CSRNP3: variants seen among roughly 807,000 people sequenced by gnomAD.
CSRNP3 encodes cysteine/serine-rich nuclear protein 3.
CSRNP3 carries 12 observed loss-of-function variants against 48.0 expected under a neutral mutation model. The ratio of observed to expected loss-of-function variants is 0.25; its 90% CI spans 0.16 to 0.41. The LOEUF (loss-of-function observed/expected upper bound fraction) is 0.41, where lower values mean the gene tolerates loss of function less well. CSRNP3 is among the 10% of genes least tolerant of loss of function. CSRNP3 has a pLI of 1.00. For synonymous variants in CSRNP3, 263 were observed against 269.7 expected, an observed-to-expected ratio of 0.98 and a Z score of 0.24; for missense variants, 580 against 724.4, an observed-to-expected ratio of 0.80 and a Z score of 2.29.
intron 6 of CSRNP3, among the ~76,000 whole-genome samples, chr2:165,677,732 G>GT (rs1379261121): frequency 6.6e-6 from 1 of 152,124 alleles, no homozygotes; most frequent in Admixed American, 6.6e-5. Flanking sequence ...AGCAGAGCAA[G>GT]TTTTTTTCTC....
At chr2:165,633,970 C>T (rs1686585201) in intron 4 of CSRNP3, among the ~76,000 whole-genome samples, 1 of 152,174 alleles carries the variant, frequency 6.6e-6, no homozygotes, top group African/African-American at 2.4e-5. Context: ...GTTTTCATAA[C>T]ACTCCTTATG....
intron 1 of CSRNP3, among the ~76,000 whole-genome samples, chr2:165,477,483 AAT>A (rs200408228): frequency 4.6e-5 from 6 of 129,664 alleles, no homozygotes; most frequent in African/African-American, 1.1e-4. Context: ...ATATATATGA[AAT>A]ATATATATAT....
chr2:165,486,246 A>C (rs1684113873), intron 1 of CSRNP3, among the ~76,000 whole-genome samples: 1 of 152,228 alleles, frequency 6.6e-6, no homozygotes, highest in Admixed American at 6.5e-5. Flanking sequence ...CCGGCTTAAA[A>C]AACGGTGCAC....
At chr2:165,624,021 A>C (rs1218250678) in intron 4 of CSRNP3, among the ~76,000 whole-genome samples, 2 of 151,564 alleles carry the variant, frequency 1.3e-5, no homozygotes, top group Non-Finnish European at 2.9e-5. Flanking sequence ...TATCGCTCCC[A>C]CTCCTACAAC....
chr2:165,520,781 TA>T (rs1488585924), intron 3 of CSRNP3, among the ~76,000 whole-genome samples: 1 of 8,820 alleles, frequency 1.1e-4, no homozygotes, highest in Admixed American at 1.7e-3. Context: ...TATATATATA[TA>T]TTATATATAT....
intron 3 of CSRNP3, among the ~76,000 whole-genome samples, chr2:165,520,770 TTATATATATATATTATATATATA>T (rs1234141880): frequency 0.043 from 4,546 of 106,944 alleles, 102 homozygotes; most frequent in Non-Finnish European, 0.05. Context: ...TAGAAATATA[TTATATATATATATTATATATATA>T]TATATATATA....
intron 2 of CSRNP3, among the ~76,000 whole-genome samples, chr2:165,496,408 A>C (rs905864547): frequency 3.3e-5 from 5 of 152,064 alleles, no homozygotes; most frequent in African/African-American, 1.2e-4. Flanking sequence ...TTTCCTACTG[A>C]GCCATTATCT....
intron 5 of CSRNP3, among the ~76,000 whole-genome samples, chr2:165,665,596 A>C (rs1382973439): frequency 6.6e-6 from 1 of 152,024 alleles, no homozygotes; most frequent in African/African-American, 2.4e-5. Context: ...CCCCTTCTCT[A>C]CAAAATAATT....
At chr2:165,678,674 G>C in intron 6 of CSRNP3, 27 bp from the exon 7 acceptor site, 4 of 1,603,090 alleles carry the variant, frequency 2.5e-6, no homozygotes, top group Non-Finnish European at 2.6e-6. Flanking sequence ...TAGTTCCATG[G>C]TGCTAATCTG....
At chr2:165,495,415 G>A (rs147555768) in intron 2 of CSRNP3, among the ~76,000 whole-genome samples, 1 of 152,014 alleles carries the variant, frequency 6.6e-6, no homozygotes, top group Non-Finnish European at 1.5e-5. Flanking sequence ...TTAAAACTCA[G>A]ACTCAAGGCC....
At chr2:165,585,237 C>G (rs1289110219) in intron 3 of CSRNP3, among the ~76,000 whole-genome samples, 1 of 145,962 alleles carries the variant, frequency 6.9e-6, no homozygotes, top group Non-Finnish European at 1.5e-5. Flanking sequence ...TAACTGAGTT[C>G]TCTTTTCTTG....
chr2:165,622,317 T>G (rs1686354071), intron 4 of CSRNP3, among the ~76,000 whole-genome samples: 1 of 152,192 alleles, frequency 6.6e-6, no homozygotes, highest in African/African-American at 2.4e-5. Flanking sequence ...ATATACATTT[T>G]TGTAGGCATC....
chr2:165,566,763 A>C (rs1286207836), intron 3 of CSRNP3: 3 of 151,846 alleles, frequency 2.0e-5, no homozygotes, highest in African/African-American at 7.3e-5. Context: ...CTTTATATCT[A>C]TCCCTGCCTC....
At chr2:165,600,854 T>C (rs1181102251) in intron 4 of CSRNP3, among the ~76,000 whole-genome samples, 1 of 152,230 alleles carries the variant, frequency 6.6e-6, no homozygotes, top group Non-Finnish European at 1.5e-5. Flanking sequence ...AGCACTAACA[T>C]ATTGTGTAAC....
chr2:165,571,946 A>C (rs1424842459), intron 3 of CSRNP3, among the ~76,000 whole-genome samples: 1 of 152,170 alleles, frequency 6.6e-6, no homozygotes, highest in Non-Finnish European at 1.5e-5. Context: ...AAGAAAAAGA[A>C]ATGCCAGCAA....
intron 4 of CSRNP3, among the ~76,000 whole-genome samples, chr2:165,637,586 T>C (rs1031685489): frequency 2.6e-5 from 4 of 152,242 alleles, no homozygotes; most frequent in African/African-American, 9.6e-5. Flanking sequence ...TATGAATAAG[T>C]ATGAATAAGT....
chr2:165,496,499 T>G lies in CSRNP3; in HGVS notation c.-113+1571T>G, dbSNP rs75723246. 7.2e-4 allele frequency among the ~76,000 whole-genome samples: 109 copies of G among 152,080 alleles called. 11 individuals are homozygous for G. In the East Asian group the frequency reaches 0.021, roughly 29 times the overall value. On this transcript the variant is annotated intron_variant, in intron 2 of 6. Transcript: ENST00000651982. ...GAATGAATTATTTTCTGACAAATCT[T>G]AAAAGCTGGAGAGAATGAGTCCACT... is the stretch of plus-strand genomic sequence containing the variant.
chr2:165,497,651 A>T (rs914645167), intron 2 of CSRNP3, among the ~76,000 whole-genome samples: 32 of 152,122 alleles, frequency 2.1e-4, no homozygotes, highest in Admixed American at 1.2e-3. Flanking sequence ...GAATTCAAAG[A>T]CTATGAGAAC....
At chr2:165,575,658 A>G (rs1177061694) in intron 3 of CSRNP3, among the ~76,000 whole-genome samples, 3 of 152,042 alleles carry the variant, frequency 2.0e-5, no homozygotes, top group African/African-American at 4.8e-5. Context: ...TTTGGCAACA[A>G]TATGTTTTAT....
Sources: allele counts gnomAD v4.1 joint callset (sites outside exome capture counted in the v4.1 genomes callset), GRCh38; gene constraint gnomAD v4.1.1; transcripts MANE v1.5; gene names NCBI Gene and HGNC (gene_info 2026-07-23, HGNC 2026-07-21).